The following PUDP variants were observed in gnomAD, a reference collection of about 807,000 sequenced individuals.
The protein encoded by PUDP is pseudouridine-5'-phosphatase.
Under a neutral mutation model 9.4 loss-of-function variants are expected in PUDP, and 8 were observed. The ratio of observed to expected loss-of-function variants is 0.85; its 90% CI spans 0.50 to 1.53. The LOEUF is 1.53. Among genes scored for constraint, PUDP ranks in the 40% most tolerant of loss-of-function variants. PUDP has a pLI of 0.00. For missense variants in PUDP, 188 were observed against 189.7 expected (o/e 0.99, Z 0.05); for synonymous variants, 99 against 80.7 (o/e 1.23, Z -1.22).
chrX:6,916,659 T>C (rs780171146), intron 3 of PUDP, among the ~76,000 whole-genome samples: 1 of 111,560 alleles, frequency 9.0e-6, no homozygotes, highest in South Asian at 3.8e-4. Context: ...ATGGTAAAGG[T>C]GGCAGAGCAG....
chrX:6,979,658 G>A (rs1346691232), intron 1 of PUDP, among the ~76,000 whole-genome samples: 1 of 111,677 alleles, frequency 9.0e-6, no homozygotes, highest in Non-Finnish European at 1.9e-5. Flanking sequence ...TTGATGCTAG[G>A]TCCCTGCAGA....
chrX:7,066,886 C>T (rs1190829552), intron 3 of PUDP, among the ~76,000 whole-genome samples: 6 of 112,084 alleles, frequency 5.4e-5, no homozygotes, highest in South Asian at 7.5e-4. Context: ...AACACACACA[C>T]GTGTGCGCAC....
upstream of PUDP, among the ~76,000 whole-genome samples, chrX:6,722,783 T>G (rs1251104308): frequency 8.9e-6 from 1 of 111,786 alleles, no homozygotes; most frequent in Non-Finnish European, 1.9e-5. Context: ...AGAAGGTGAT[T>G]CAGAGTAAAG....
At chrX:6,982,113 A>G (rs745585778) in intron 1 of PUDP, among the ~76,000 whole-genome samples, 3 of 109,845 alleles carry the variant, frequency 2.7e-5, no homozygotes, top group Non-Finnish European at 3.8e-5. Context: ...ATACACACAC[A>G]CACACAAATA....
intron 3 of PUDP, among the ~76,000 whole-genome samples, chrX:6,976,655 G>A (rs187303101): frequency 2.8e-4 from 31 of 111,857 alleles, no homozygotes; most frequent in Admixed American, 8.5e-4. Context: ...CAGTCATCTC[G>A]CCAGCCACCC....
intron 3 of PUDP, among the ~76,000 whole-genome samples, chrX:7,050,779 C>T (rs1029295033): frequency 1.2e-4 from 14 of 112,293 alleles, no homozygotes; most frequent in African/African-American, 4.5e-4. Flanking sequence ...TTATTGGGAT[C>T]ATAACAATCT....
Position 7,081,354 on chromosome X carries a change from A to G in PUDP, c.281-3905T>C, listed in dbSNP as rs150755271. 1.3e-3 allele frequency among the ~76,000 whole-genome samples: 148 copies of G among 111,494 alleles called. 1 individual carries two copies. Among genetic ancestry groups the G allele is most frequent in the Non-Finnish European group, 2.4e-3 (129 of 53,085 alleles). ...TGTTTTGTAGAGACAGGGTCTCCCTATGTTAGCTAAGCTAGTCTTGAAGTT... is the reference window on the plus strand; with the variant it reads ...TGTTTTGTAGAGACAGGGTCTCCCTGTGTTAGCTAAGCTAGTCTTGAAGTT... On this transcript the variant is annotated intron_variant, in intron 2 of 3. Transcript: ENST00000381077.
intron 3 of PUDP, among the ~76,000 whole-genome samples, chrX:6,767,060 T>C (rs1423055919): frequency 8.9e-6 from 1 of 112,984 alleles, no homozygotes; most frequent in Non-Finnish European, 1.9e-5. Context: ...TTGATAAGAA[T>C]TTACAAGGTT....
At chrX:6,939,840 T>A (rs1928373385) in intron 3 of PUDP, among the ~76,000 whole-genome samples, 2 of 104,484 alleles carry the variant, frequency 1.9e-5, no homozygotes, top group South Asian at 8.7e-4. Flanking sequence ...AGCAAGACTC[T>A]GTCTCAAAAA....
intron 3 of PUDP, among the ~76,000 whole-genome samples, chrX:6,743,066 G>A: frequency 8.9e-6 from 1 of 112,045 alleles, no homozygotes; most frequent in East Asian, 2.8e-4. Context: ...TTCAGTAGGG[G>A]AAACTGGATG....
chrX:6,884,096 TC>T (rs766807570), intron 3 of PUDP, among the ~76,000 whole-genome samples: 6 of 112,110 alleles, frequency 5.4e-5, no homozygotes, highest in Non-Finnish European at 1.1e-4. Flanking sequence ...CGCCTCAGCC[TC>T]CCAAAGTGCT....
In PUDP at chrX:6,868,606, T is replaced by C. The variant is rs1483226772; in HGVS notation, c.*247+108527A>G. On this transcript the variant is annotated intron_variant and NMD_transcript_variant, in intron 3 of 3. Coordinates refer to the PUDP transcript ENST00000655425. ...CTAAAGTCCACTTTGTGTCTCTCTA[T>C]ACAAATGTCTTTTCTTAAGCTTCTA... is the stretch of plus-strand genomic sequence containing the variant. Among the ~76,000 whole-genome samples, 7 of 112,564 alleles carry C rather than the reference T, an allele frequency of 6.2e-5. No individual in the cohort carries two copies. In the Admixed American group the frequency reaches 6.6e-4, roughly 11 times the overall value.
intron 3 of PUDP, among the ~76,000 whole-genome samples, chrX:6,837,368 C>A (rs760715728): frequency 8.9e-6 from 1 of 112,867 alleles, no homozygotes; most frequent in South Asian, 3.6e-4. Flanking sequence ...CACAAAGCTA[C>A]GATGGAAGGG....
intron 1 of PUDP, among the ~76,000 whole-genome samples, chrX:7,107,623 T>A (rs1431768926): frequency 7.1e-5 from 8 of 112,149 alleles, no homozygotes; most frequent in African/African-American, 2.6e-4. Flanking sequence ...GCTCAGTAGT[T>A]CAAGACCAGC....
At chrX:6,786,450 AAAG>A (rs1165045296) in intron 3 of PUDP, among the ~76,000 whole-genome samples, 1 of 112,240 alleles carries the variant, frequency 8.9e-6, no homozygotes, top group Non-Finnish European at 1.9e-5. Context: ...AACAAGAAGA[AAAG>A]AAGAAAAAGA....
chrX:7,006,519 C>T (rs1700937492), intron 1 of PUDP, among the ~76,000 whole-genome samples: 1 of 111,071 alleles, frequency 9.0e-6, no homozygotes, highest in Non-Finnish European at 1.9e-5. Flanking sequence ...GGTCCTCTGC[C>T]TATTTTTTTA....
intron 1 of PUDP, among the ~76,000 whole-genome samples, chrX:6,712,051 A>G (rs1187041105): frequency 8.9e-6 from 1 of 112,325 alleles, no homozygotes; most frequent in Non-Finnish European, 1.9e-5. Flanking sequence ...CACATCCACA[A>G]AATAACTGCA....
chrX:6,856,464 T>C (rs1430929996), intron 3 of PUDP, among the ~76,000 whole-genome samples: 1 of 112,168 alleles, frequency 8.9e-6, no homozygotes, highest in Non-Finnish European at 1.9e-5. Flanking sequence ...ACAAATGCAA[T>C]CATTTATCAT....
Position 6,841,142 on chromosome X carries a change from C to T in PUDP, c.*248-134676G>A, listed in dbSNP as rs956197343. On this transcript the variant is annotated intron_variant and NMD_transcript_variant, in intron 3 of 3. Transcript: ENST00000655425. Reference sequence around the variant, plus strand: ...AAATACAAAAATTAGCTGGACATGGCGGCGCACTCCTGTAATCCTAGCTGC... The same window carrying T: ...AAATACAAAAATTAGCTGGACATGGTGGCGCACTCCTGTAATCCTAGCTGC... Among the ~76,000 whole-genome samples, 123 of 108,974 alleles carry T rather than the reference C, an allele frequency of 1.1e-3. 1 individual carries two copies. Among genetic ancestry groups the T allele is most frequent in the Admixed American group, 5.9e-4 (6 of 10,096 alleles). The allele number at this position is 108,974 out of a possible 115,157, so 94.6% of individuals were successfully genotyped here.
Sources: allele counts gnomAD v4.1 joint callset (sites outside exome capture counted in the v4.1 genomes callset), GRCh38; gene constraint gnomAD v4.1.1; transcripts MANE v1.5; gene names NCBI Gene and HGNC (gene_info 2026-07-23, HGNC 2026-07-21).